PYGO1: variants seen among roughly 807,000 people sequenced by gnomAD.
The protein encoded by PYGO1 is pygopus homolog 1.
Under a neutral mutation model 29.5 loss-of-function variants are expected in PYGO1, and 6 were observed. That is an observed-to-expected ratio of 0.20 (90% CI 0.11 to 0.40). PYGO1 has a LOEUF of 0.40. Ranked by LOEUF, PYGO1 falls within the 10% of genes least tolerant of loss-of-function variation. The pLI is 1.00. For missense variants in PYGO1, 515 were observed against 514.9 expected, an observed-to-expected ratio of 1.00 and a Z score of 0.00; for synonymous variants, 186 against 180.5, an observed-to-expected ratio of 1.03 and a Z score of -0.24.
chr15:55,557,677 A>G (rs4774783), intron 1 of PYGO1, among the ~76,000 whole-genome samples: 134,724 of 152,166 alleles, frequency 0.89, 59,741 homozygotes, highest in Admixed American at 0.92. Flanking sequence ...TGGGATGCAA[A>G]GCTGGTTCAA....
chr15:55,578,202 T>A (rs1463465811), intron 1 of PYGO1, among the ~76,000 whole-genome samples: 1 of 152,212 alleles, frequency 6.6e-6, no homozygotes, highest in Non-Finnish European at 1.5e-5. Context: ...TGATTAACAT[T>A]CCAATATATA....
intron 1 of PYGO1, among the ~76,000 whole-genome samples, chr15:55,558,270 T>C (rs1263234480): frequency 6.6e-6 from 1 of 151,368 alleles, no homozygotes; most frequent in Admixed American, 6.6e-5. Context: ...GAGAATAAAA[T>C]ACCTAGGAAT....
intron 1 of PYGO1, among the ~76,000 whole-genome samples, chr15:55,564,929 A>T (rs2058948705): frequency 6.6e-6 from 1 of 152,106 alleles, no homozygotes; most frequent in African/African-American, 2.4e-5. Flanking sequence ...TGGTTGTAGG[A>T]TTAACATCCT....
At position 55,546,288 on chromosome 15, in the gene PYGO1, T is replaced by C. The variant is rs368421960; in HGVS notation, c.995A>G (p.His332Arg). 4.3e-6 allele frequency: 7 copies of C among 1,614,202 alleles called. No individual in the cohort carries two copies. Among genetic ancestry groups the C allele is most frequent in the Non-Finnish European group, 5.9e-6 (7 of 1,180,028 alleles). Residue 332 changes from histidine (H) to arginine (R), a missense_variant, in exon 3 of 3, where the codon CAT (histidine) becomes CGT (arginine). Transcript: ENST00000563719. Reference protein sequence around the residue: ...SNKSSLHPNRHGHSSSDPVYP... With the variant: ...SNKSSLHPNRRGHSSSDPVYP... ...CACTGGGTCAGAAGACGAATGGCCA[T>C]GACGGTTTGGGTGAAGAGAGGATTT... is the stretch of plus-strand genomic sequence containing the variant.
intron 1 of PYGO1, among the ~76,000 whole-genome samples, chr15:55,562,270 G>T (rs1464946658): frequency 1.3e-5 from 2 of 152,234 alleles, no homozygotes; most frequent in Non-Finnish European, 2.9e-5. Context: ...CACTGTGGAA[G>T]AAAGTGTGGT....
Position 55,546,617 on chromosome 15 carries a change from A to G in PYGO1, c.666T>C (p.Phe222=). 1 of 1,614,040 alleles carries G rather than the reference A, an allele frequency of 6.2e-7. No individual in the cohort carries two copies. Among genetic ancestry groups the G allele is most frequent in the Non-Finnish European group, 8.5e-7 (1 of 1,179,970 alleles). Residue 222 remains phenylalanine, a synonymous_variant, in exon 3 of 3, where the codon TTT becomes TTC. Transcript: ENST00000563719. ...GACCAAAAGTGTTTGGGGGAGGAAT[A>G]AAAGAATGATTAGATTCTAACGGAG... ...FTSPLESNHS[F]IPPPNTFGQA...
chr15:55,579,881 G>C (rs905531340), intron 1 of PYGO1, among the ~76,000 whole-genome samples: 2 of 152,142 alleles, frequency 1.3e-5, no homozygotes, highest in Non-Finnish European at 2.9e-5. Flanking sequence ...AGCAATCTGT[G>C]AGCAAAACCA....
chr15:55,572,622 G>A (rs1462782617), intron 1 of PYGO1, among the ~76,000 whole-genome samples: 4 of 151,984 alleles, frequency 2.6e-5, no homozygotes, highest in African/African-American at 9.7e-5. Context: ...TACAAAAATG[G>A]GAGAAAATAT....
At position 55,541,478 on chromosome 15, in the gene PYGO1, T is replaced by A. The variant is rs1000956400; in HGVS notation, c.*4545A>T. 4 of 152,328 alleles carry A rather than the reference T, an allele frequency of 2.6e-5. No homozygotes were observed. Among genetic ancestry groups the A allele is most frequent in the East Asian group, 1.9e-4 (1 of 5,192 alleles). The allele number at this position is 152,328 out of a possible 1,614,324, so 9.4% of individuals were successfully genotyped here. A position where few individuals can be genotyped will look rare whatever the true frequency, so the allele number is the denominator to read the frequency against. ...TCACTAAATGTACTGCTTCCCATGG[T>A]ATCTGAAATGCGGTCATATTGTCTG... On this transcript the variant is annotated 3_prime_UTR_variant, in exon 3 of 3. Coordinates refer to ENST00000563719, the MANE Select transcript of PYGO1 (RefSeq NM_001367806.1).
At chr15:55,549,353 G>T (rs575658796) in intron 1 of PYGO1, among the ~76,000 whole-genome samples, 1 of 151,812 alleles carries the variant, frequency 6.6e-6, no homozygotes, top group African/African-American at 2.4e-5. Context: ...TTATTTTTTT[G>T]GCGGGGAGGA....
At position 55,546,756 on chromosome 15, in the gene PYGO1, A is replaced by T. The variant is rs1253808874; in HGVS notation, c.527T>A (p.Phe176Tyr). Residue 176 changes from phenylalanine to tyrosine, a missense_variant, in exon 3 of 3, where the codon TTT becomes TAT. Coordinates refer to ENST00000563719, the MANE Select transcript of PYGO1 (RefSeq NM_001367806.1). The part of the protein sequence containing the change: ...SQNVNMPNQH[F>Y]RQNPAENFSQ... ...GAAATTTTCAGCAGGATTTTGTCTA[A>T]AATGTTGATTAGGCATGTTGACATT... 1 of 1,614,114 alleles carries T rather than the reference A, an allele frequency of 6.2e-7. No individual in the cohort carries two copies.
At chr15:55,587,460 C>CT (rs1259734720) in intron 1 of PYGO1, among the ~76,000 whole-genome samples, 1 of 151,112 alleles carries the variant, frequency 6.6e-6, no homozygotes, top group Non-Finnish European at 1.5e-5. Flanking sequence ...CTCCAACTTA[C>CT]TTTTTTTGAG....
intron 1 of PYGO1, among the ~76,000 whole-genome samples, chr15:55,555,991 C>T (rs1567052953): frequency 6.6e-6 from 1 of 151,972 alleles, no homozygotes; most frequent in African/African-American, 2.4e-5. Flanking sequence ...CACAGGAGCA[C>T]CCAGATTCAT....
At chr15:55,569,345 G>GA (rs151001556) in intron 1 of PYGO1, among the ~76,000 whole-genome samples, 5,344 of 152,014 alleles carry the variant, frequency 0.035, 252 homozygotes, top group East Asian at 0.26. Context: ...GTTTGTTCTT[G>GA]TTTTTCTAGT....
chr15:55,583,231 C>G (rs749963496), intron 1 of PYGO1, among the ~76,000 whole-genome samples: 2 of 152,158 alleles, frequency 1.3e-5, no homozygotes, highest in Non-Finnish European at 2.9e-5. Flanking sequence ...GATTGTATAG[C>G]ACATGGTCTA....
rs569354979 is a variant in PYGO1 at position 55,572,844 on chromosome 15, A to G, written c.49+14991T>C. Among the ~76,000 whole-genome samples, 34 of 152,074 alleles carry G rather than the reference A, an allele frequency of 2.2e-4. 1 individual carries two copies. The highest frequency in any genetic ancestry group is 7.2e-4 in the Admixed American group (11 of 15,260). On this transcript the variant is annotated intron_variant, in intron 1 of 2. Transcript: ENST00000563719. Reference sequence around the variant, plus strand: ...AAACCACAATGAGAAATAACCTTACATTTCTTAGGATGTATTATCAAAAAG... The same window carrying G: ...AAACCACAATGAGAAATAACCTTACGTTTCTTAGGATGTATTATCAAAAAG...
intron 1 of PYGO1, among the ~76,000 whole-genome samples, chr15:55,580,009 G>A (rs546083169): frequency 6.6e-6 from 1 of 152,216 alleles, no homozygotes; most frequent in Non-Finnish European, 1.5e-5. Flanking sequence ...TTACCTCTTT[G>A]TGTTACTGAG....
At chr15:55,579,186 G>T (rs1307782867) in intron 1 of PYGO1, among the ~76,000 whole-genome samples, 3 of 152,066 alleles carry the variant, frequency 2.0e-5, no homozygotes, top group Non-Finnish European at 2.9e-5. Context: ...GATGATTGCA[G>T]ATTAATAATT....
intron 1 of PYGO1, among the ~76,000 whole-genome samples, chr15:55,566,422 T>C (rs568128242): frequency 6.6e-6 from 1 of 151,724 alleles, no homozygotes; most frequent in Non-Finnish European, 1.5e-5. Context: ...TTTTTTTTTA[T>C]GGTTGTTTAT....
Sources: allele counts gnomAD v4.1 joint callset (sites outside exome capture counted in the v4.1 genomes callset), GRCh38; gene constraint gnomAD v4.1.1; transcripts MANE v1.5; gene names NCBI Gene and HGNC (gene_info 2026-07-23, HGNC 2026-07-21).